The following BDP1 variants were observed in gnomAD, a reference collection of about 807,000 sequenced individuals.
BDP1 encodes transcription factor TFIIIB component B'' homolog.
A neutral mutation model predicts 266.6 loss-of-function variants in BDP1; 169 were observed. The ratio of observed to expected loss-of-function variants is 0.63; its 90% confidence interval spans 0.56 to 0.72. The LOEUF (loss-of-function observed/expected upper bound fraction) is 0.72. Among genes scored for constraint, BDP1 ranks in the 30% least tolerant of loss-of-function variants. The probability of loss-of-function intolerance (pLI) is 0.00; values close to 1 mark genes in which losing one functional copy is unlikely to be tolerated. For synonymous variants in BDP1, 1,090 were observed against 1,022.4 expected (o/e 1.07, Z -1.26); for missense variants, 3,015 against 3,053.8 (o/e 0.99, Z 0.30).
chr5:71,520,904 G>T (rs1208857052), intron 22 of BDP1, among the ~76,000 whole-genome samples: 1 of 152,080 alleles, frequency 6.6e-6, no homozygotes, highest in Non-Finnish European at 1.5e-5. Flanking sequence ...AGGGTGCATT[G>T]AAGGCCGGGC....
intron 7 of BDP1, among the ~76,000 whole-genome samples, chr5:71,473,262 A>ATTTTTTTT (rs869174435): frequency 1.7e-5 from 1 of 59,970 alleles, no homozygotes; most frequent in African/African-American, 6.9e-5. Context: ...TCTTAATGTA[A>ATTTTTTTT]TTTTTTTTTT....
chr5:71,489,924 G>A (rs915082418), intron 10 of BDP1, among the ~76,000 whole-genome samples: 1 of 152,186 alleles, frequency 6.6e-6, no homozygotes, highest in Non-Finnish European at 1.5e-5. Flanking sequence ...ATCACCTCCT[G>A]TGCATTCCCA....
In BDP1 at chr5:71,560,551, A is replaced by C. The variant is rs277939; in HGVS notation, c.7496+314A>C. ...CCATGTTCAGTAGCTACTAATGCAC[A>C]TATGTATGGATGCTGACATCAGAAG... On this transcript the variant is annotated intron_variant, in intron 37 of 38. Coordinates refer to ENST00000358731, the MANE Select transcript of BDP1 (RefSeq NM_018429.3). Among the ~76,000 whole-genome samples, 62,045 of 152,078 alleles carry C rather than the reference A, an allele frequency of 0.41. 13,145 individuals are homozygous for C. Among genetic ancestry groups the C allele is most frequent in the South Asian group, 0.47 (2,276 of 4,810 alleles).
chr5:71,467,151 T>C (rs1244784550), intron 5 of BDP1, among the ~76,000 whole-genome samples: 1 of 152,182 alleles, frequency 6.6e-6, no homozygotes, highest in Admixed American at 6.5e-5. Flanking sequence ...TGAAAATGAG[T>C]TGACATTTCT....
At chr5:71,493,763 T>G (rs1407663331) in intron 11 of BDP1, among the ~76,000 whole-genome samples, 1 of 152,180 alleles carries the variant, frequency 6.6e-6, no homozygotes, top group Non-Finnish European at 1.5e-5. Context: ...ATGAATTGAC[T>G]CAGTGGAACT....
At chr5:71,531,758 C>T (rs891694701) in intron 25 of BDP1, among the ~76,000 whole-genome samples, 3 of 152,152 alleles carry the variant, frequency 2.0e-5, no homozygotes, top group African/African-American at 7.2e-5. Flanking sequence ...ATCCACCTGC[C>T]TCGGCCTCCC....
intron 4 of BDP1, 23 bp from the exon 5 acceptor site, chr5:71,466,073 T>G (rs1374156875): frequency 6.2e-7 from 1 of 1,608,272 alleles, no homozygotes; most frequent in Non-Finnish European, 8.5e-7. Flanking sequence ...CTTTGTGAAT[T>G]AACTTATCTT....
chr5:71,470,933 A>T (rs1028428094), intron 7 of BDP1, among the ~76,000 whole-genome samples: 10 of 149,738 alleles, frequency 6.7e-5, no homozygotes, highest in African/African-American at 2.5e-4. Context: ...TGTTACATTT[A>T]TCCCTCTTTA....
intron 32 of BDP1, 63 bp downstream of exon 32, chr5:71,545,282 G>A (rs1439283877): frequency 9.7e-6 from 13 of 1,340,264 alleles, no homozygotes; most frequent in Non-Finnish European, 1.4e-5. Context: ...AAAAAAAAAA[G>A]GTATAATTTA....
Position 71,548,757 on chromosome 5 carries a change from T to C in BDP1, c.6808+12T>C. ...TCAAGACCTAACAGGTATGATAATA[T>C]GCTTCAGTGACATGTCATAGAACTT... is the stretch of plus-strand genomic sequence containing the variant. On this transcript the variant is annotated intron_variant, in intron 33 of 38. Transcript: ENST00000358731. The C allele has an allele frequency of 6.4e-7, 1 of 1,553,352 alleles. No homozygotes were observed. Among genetic ancestry groups the C allele is most frequent in the South Asian group, 1.1e-5 (1 of 87,966 alleles).
At chr5:71,514,844 C>G (rs923240637) in intron 19 of BDP1, 100 bp from the exon 20 acceptor site, 1 of 767,732 alleles carries the variant, frequency 1.3e-6, no homozygotes, top group East Asian at 3.0e-5. Context: ...ATAGACTACC[C>G]TATTATTCTT....
intron 29 of BDP1, 103 bp from the exon 30 acceptor site, chr5:71,542,002 G>C (rs1766996736): frequency 1.1e-6 from 1 of 880,678 alleles, no homozygotes; most frequent in African/African-American, 1.7e-5. Flanking sequence ...AGACAGTGTG[G>C]CACCTAACAG....
At chr5:71,461,744 T>C in intron 2 of BDP1, 73 bp from the exon 3 acceptor site, 1 of 820,190 alleles carries the variant, frequency 1.2e-6, no homozygotes. Context: ...AACAGTGGAC[T>C]GTATATTTGC....
chr5:71,510,012 A>T lies in BDP1; in HGVS notation c.2920A>T (p.Thr974Ser), dbSNP rs1764809782. 6.2e-7 allele frequency: 1 copy of T among 1,614,024 alleles called. No individual in the cohort carries two copies. The highest frequency in any genetic ancestry group is 1.7e-5 in the Admixed American group (1 of 59,996). The change falls in exon 17 of 39, where the codon ACT becomes TCT. Residue 974 changes from threonine (T) to serine (S), a missense_variant. Physicochemically the swap from Thr to Ser is moderately conservative, Grantham distance 58. This residue lies in a region of BDP1 where 2,383 missense variants were observed against 2,404.9 expected (regional missense o/e 0.99). Transcript: ENST00000358731. ...CCCAAGGGAGAAGACACCAGAGGTG[A>T]CTGATGCCACTGAGGAAATAGACAA... is the stretch of plus-strand genomic sequence containing the variant. ...SSPREKTPEV[T>S]DATEEIDKNL... is the part of the protein sequence containing the mutation.
In BDP1 at chr5:71,562,262, T is replaced by C. The variant is rs140858834; in HGVS notation, c.7497-12T>C. On this transcript the variant is annotated splice_polypyrimidine_tract_variant and intron_variant, in intron 37 of 38. Transcript: ENST00000358731. ...TGGGTATTCTTGAATATCGTTACAT[T>C]TGTATTTCTAGACCTGGCAGAAGAC... The C allele has an allele frequency of 7.0e-3, 10,944 of 1,572,710 alleles. 58 individuals carry two copies. The highest frequency in any genetic ancestry group is 8.8e-3 in the Non-Finnish European group (10,214 of 1,164,234).
At chr5:71,457,280 T>C (rs1374479847) in intron 1 of BDP1, among the ~76,000 whole-genome samples, 1 of 151,750 alleles carries the variant, frequency 6.6e-6, no homozygotes, top group East Asian at 1.9e-4. Flanking sequence ...AGTCACTTTT[T>C]TTGCCATTAC....
intron 34 of BDP1, among the ~76,000 whole-genome samples, chr5:71,551,517 A>G (rs2111952576): frequency 6.6e-6 from 1 of 152,296 alleles, no homozygotes; most frequent in South Asian, 2.1e-4. Context: ...ACTTCTTTCT[A>G]CACAGACACG....
chr5:71,513,991 G>A (rs1765087934), intron 19 of BDP1, among the ~76,000 whole-genome samples: 1 of 151,880 alleles, frequency 6.6e-6, no homozygotes, highest in Admixed American at 6.6e-5. Context: ...CCAAAGTGCT[G>A]GGATTACGCT....
chr5:71,544,904 A>AAAAGG, intron 31 of BDP1, 135 bp from the exon 32 acceptor site: 3 of 442,338 alleles, frequency 6.8e-6, no homozygotes, highest in South Asian at 2.4e-5. Context: ...AAAAAAAAAA[A>AAAAGG]AAGTCCTATT....
Sources: allele counts gnomAD v4.1 joint callset (sites outside exome capture counted in the v4.1 genomes callset), GRCh38; gene constraint gnomAD v4.1.1; regional missense constraint gnomAD v4.1.1; transcripts MANE v1.5; gene names NCBI Gene and HGNC (gene_info 2026-07-23, HGNC 2026-07-21).